The following DNAH7 variants were observed in gnomAD, a reference collection of about 807,000 sequenced individuals.
DNAH7 encodes axonemal beta dynein heavy chain 7.
In DNAH7, 397 loss-of-function variants were observed where a neutral mutation model predicts 444.6. That is an observed-to-expected ratio of 0.89 (90% CI 0.82 to 0.97). The LOEUF (loss-of-function observed/expected upper bound fraction) is 0.97. Ranked by LOEUF, DNAH7 falls within the 50% of genes least tolerant of loss-of-function variation. The pLI, the probability that DNAH7 is intolerant of heterozygous loss-of-function variation, is 0.00. For missense variants in DNAH7, 4,902 were observed against 4,800.8 expected (o/e 1.02, Z -0.62); for synonymous variants, 1,636 against 1,624.4 (o/e 1.01, Z -0.17).
intron 24 of DNAH7, among the ~76,000 whole-genome samples, chr2:195,919,032 C>T (rs917262336): frequency 2.6e-5 from 4 of 152,046 alleles, no homozygotes; most frequent in Admixed American, 2.0e-4. Context: ...TGGCAGATCA[C>T]GAGGTCAGGA....
At chr2:196,021,137 C>T (rs1695356136) in intron 8 of DNAH7, among the ~76,000 whole-genome samples, 1 of 151,956 alleles carries the variant, frequency 6.6e-6, no homozygotes, top group Non-Finnish European at 1.5e-5. Flanking sequence ...CCAATGTTCC[C>T]AAAATCAAGC....
intron 54 of DNAH7, 105 bp downstream of exon 54, chr2:195,806,635 G>T (rs1414917463): frequency 1.2e-6 from 1 of 817,416 alleles, no homozygotes; most frequent in Non-Finnish European, 1.8e-6. Flanking sequence ...TTTCCCGCAG[G>T]CTCCTCTACC....
rs762061508 is a variant in DNAH7, at chr2:195,816,747, A to C, written c.9642T>G (p.Phe3214Leu). ...RPIAIHSSIL[F>L]FSLADLANIE... is the part of the protein sequence containing the mutation. ...TGTTGGCTAAATCAGCAAGAGAAAAAAATAGGATGGAAGAATGGATGGCAA... is the reference window on the plus strand; with the variant it reads ...TGTTGGCTAAATCAGCAAGAGAAAACAATAGGATGGAAGAATGGATGGCAA... The change falls in exon 51 of 65, where the codon TTT becomes TTG. Residue 3214 changes from phenylalanine to leucine, a missense_variant. Coordinates refer to ENST00000312428, the MANE Select transcript of DNAH7 (RefSeq NM_018897.3). 6.2e-7 allele frequency: 1 copy of C among 1,614,166 alleles called. No individual in the cohort carries two copies. Among genetic ancestry groups the C allele is most frequent in the Non-Finnish European group, 8.5e-7 (1 of 1,180,006 alleles).
intron 46 of DNAH7, among the ~76,000 whole-genome samples, chr2:195,845,561 A>G (rs1698935588): frequency 6.6e-6 from 1 of 152,238 alleles, no homozygotes; most frequent in East Asian, 1.9e-4. Context: ...AGCCAAAGCT[A>G]TCCTTAGCAA....
intron 47 of DNAH7, among the ~76,000 whole-genome samples, chr2:195,841,944 C>T (rs1018060849): frequency 6.6e-6 from 1 of 151,898 alleles, no homozygotes; most frequent in Non-Finnish European, 1.5e-5. Flanking sequence ...GTTGCACAGA[C>T]CACAGATTTT....
chr2:196,019,804 A>C (rs188976872), intron 8 of DNAH7, among the ~76,000 whole-genome samples: 4 of 152,290 alleles, frequency 2.6e-5, no homozygotes, highest in Middle Eastern at 6.8e-3. Flanking sequence ...ACAAACACTA[A>C]CGTTTTTATT....
intron 47 of DNAH7, 110 bp from the exon 48 acceptor site, chr2:195,834,470 ATTTTACT>A: frequency 8.2e-7 from 1 of 1,224,822 alleles, no homozygotes; most frequent in Non-Finnish European, 1.1e-6. Context: ...TTATTGTAAT[ATTTTACT>A]TTTTAACTTA....
intron 27 of DNAH7, 56 bp downstream of exon 27, chr2:195,906,603 T>C (rs1687039683): frequency 1.3e-6 from 2 of 1,551,692 alleles, no homozygotes; most frequent in African/African-American, 2.8e-5. Context: ...TCTTTTCATA[T>C]ATTAACTTTG....
At chr2:195,768,832 G>A (rs552271170) in intron 61 of DNAH7, among the ~76,000 whole-genome samples, 2 of 152,192 alleles carry the variant, frequency 1.3e-5, no homozygotes, top group Admixed American at 1.3e-4. Context: ...GGTTCAACAT[G>A]TTCGTTTGCT....
intron 3 of DNAH7, among the ~76,000 whole-genome samples, chr2:196,050,748 T>G (rs1697414942): frequency 6.6e-6 from 1 of 152,174 alleles, no homozygotes; most frequent in South Asian, 2.1e-4. Context: ...TTCCAAAATC[T>G]AAGAAATATT....
chr2:196,010,064 G>A (rs1352258141), intron 10 of DNAH7, among the ~76,000 whole-genome samples: 1 of 152,010 alleles, frequency 6.6e-6, no homozygotes, highest in East Asian at 1.9e-4. Context: ...AATAACAGAT[G>A]CTGGCAAGGA....
chr2:195,798,630 G>C (rs1051881479), intron 55 of DNAH7, among the ~76,000 whole-genome samples: 10 of 143,694 alleles, frequency 7.0e-5, no homozygotes, highest in Admixed American at 5.1e-4. Context: ...TGCAAGCTCA[G>C]CCTCCTGGGT....
At chr2:195,866,307 T>G (rs1700339221) in intron 40 of DNAH7, among the ~76,000 whole-genome samples, 1 of 152,228 alleles carries the variant, frequency 6.6e-6, no homozygotes, top group Non-Finnish European at 1.5e-5. Flanking sequence ...GTGGTTTTAG[T>G]GTATTGTTAT....
chr2:195,921,301 G>T (rs535797303), intron 24 of DNAH7, among the ~76,000 whole-genome samples: 5 of 150,708 alleles, frequency 3.3e-5, no homozygotes, highest in African/African-American at 1.2e-4. Context: ...CAAAAATATG[G>T]AACCAGCCCA....
intron 52 of DNAH7, among the ~76,000 whole-genome samples, chr2:195,809,222 C>T (rs895756020): frequency 1.3e-5 from 2 of 152,160 alleles, no homozygotes; most frequent in Non-Finnish European, 2.9e-5. Context: ...AGGCAGAAAC[C>T]CATCAATGTG....
At chr2:195,887,001 A>G (rs556594157) in intron 33 of DNAH7, among the ~76,000 whole-genome samples, 43 of 152,348 alleles carry the variant, frequency 2.8e-4, no homozygotes, top group African/African-American at 1.0e-3. Context: ...ATCAGAAATG[A>G]CAGCTGAGTT....
chr2:195,931,320 T>C (rs559419963), intron 21 of DNAH7, among the ~76,000 whole-genome samples: 2 of 152,264 alleles, frequency 1.3e-5, no homozygotes, highest in South Asian at 4.2e-4. Flanking sequence ...TTCTGGATAT[T>C]AGGCCTTTGT....
In DNAH7 at chr2:195,884,580, CT is replaced by C; in HGVS notation, c.5763+4del. ...CAGCTGCAAATCTTGCTTCAGAACT[CT>C]TACCTCAGTGACAAATTGATAATCA... On this transcript the variant is annotated splice_donor_region_variant and intron_variant, in intron 35 of 64. Coordinates refer to ENST00000312428, the MANE Select transcript of DNAH7 (RefSeq NM_018897.3). 1 of 1,611,490 alleles carries C rather than the reference CT, an allele frequency of 6.2e-7. No homozygotes were observed. Among genetic ancestry groups the C allele is most frequent in the Non-Finnish European group, 8.5e-7 (1 of 1,177,836 alleles).
In DNAH7 at chr2:195,855,774, T is replaced by C. The variant is rs762815173; in HGVS notation, c.8595+37A>G. 4 of 1,601,748 alleles carry C rather than the reference T, an allele frequency of 2.5e-6. No homozygotes were observed. In the African/African-American group the frequency reaches 5.4e-5, roughly 22 times the overall value. ...GAACATCATTCTTAGTTACGATAACTGAGAATTTGTCCATCTTTTTCTATA... is the reference window on the plus strand; with the variant it reads ...GAACATCATTCTTAGTTACGATAACCGAGAATTTGTCCATCTTTTTCTATA... On this transcript the variant is annotated intron_variant, in intron 45 of 64. Transcript: ENST00000312428.
Sources: gnomAD v4.1 joint callset for allele counts (sites outside exome capture counted in the v4.1 genomes callset) on GRCh38, gnomAD v4.1.1 for gene constraint, MANE v1.5 for transcripts, NCBI Gene and HGNC (gene_info 2026-07-23, HGNC 2026-07-21) for gene names.